RORA: variants seen among roughly 807,000 people sequenced by gnomAD.
RORA encodes RAR related orphan receptor A.
RORA carries 7 observed loss-of-function variants against 69.5 expected under a neutral mutation model. The ratio of observed to expected loss-of-function variants is 0.10; its 90% confidence interval spans 0.06 to 0.19. RORA has a LOEUF of 0.19. Among genes scored for constraint, RORA ranks in the 10% least tolerant of loss-of-function variants. The pLI, the probability that RORA is intolerant of heterozygous loss-of-function variation, is 1.00. For synonymous variants in RORA, 261 were observed against 240.8 expected (o/e 1.08, Z -0.78); for missense variants, 457 against 663.0 (o/e 0.69, Z 3.41).
chr15:60,883,150 AAGAAAGAGAG>A (rs1229758241), intron 1 of RORA, among the ~76,000 whole-genome samples: 1 of 48,590 alleles, frequency 2.1e-5, no homozygotes, highest in African/African-American at 8.3e-5. Context: ...AAAAAAAAAA[AAGAAAGAGAG>A]AGAGAGAGAG....
chr15:60,742,405 C>T (rs1191673026), intron 1 of RORA, among the ~76,000 whole-genome samples: 1 of 152,156 alleles, frequency 6.6e-6, no homozygotes, highest in East Asian at 1.9e-4. Flanking sequence ...TGGTGTACAA[C>T]ATATTTTGAT....
chr15:61,067,158 C>G (rs1484994478), intron 1 of RORA, among the ~76,000 whole-genome samples: 1 of 150,516 alleles, frequency 6.6e-6, no homozygotes, highest in Non-Finnish European at 1.5e-5. Flanking sequence ...GTCACCCAAA[C>G]TGGAGTGCAG....
chr15:60,584,565 T>A (rs922905026), intron 2 of RORA, among the ~76,000 whole-genome samples: 1 of 152,204 alleles, frequency 6.6e-6, no homozygotes, highest in Non-Finnish European at 1.5e-5. Flanking sequence ...CTTAAGACAC[T>A]TGATTGGGAG....
At chr15:61,152,652 T>C (rs2079407523) in intron 1 of RORA, among the ~76,000 whole-genome samples, 2 of 152,178 alleles carry the variant, frequency 1.3e-5, no homozygotes, top group Admixed American at 6.5e-5. Flanking sequence ...GAGATCTTTC[T>C]GCCCTTATAG....
At chr15:61,098,064 C>T in intron 1 of RORA, among the ~76,000 whole-genome samples, 1 of 151,112 alleles carries the variant, frequency 6.6e-6, no homozygotes, top group East Asian at 2.0e-4. Context: ...CTTCCTTAAT[C>T]CTTCCTTCCT....
At chr15:61,194,543 G>A (rs9302224) in intron 1 of RORA, among the ~76,000 whole-genome samples, 17 of 143,496 alleles carry the variant, frequency 1.2e-4, no homozygotes, top group South Asian at 2.2e-4. Flanking sequence ...AGCCTAGGAG[G>A]AAAAAAAAAA....
intron 1 of RORA, among the ~76,000 whole-genome samples, chr15:60,718,784 A>T (rs931046614): frequency 2.0e-5 from 3 of 152,210 alleles, no homozygotes; most frequent in Admixed American, 2.0e-4. Flanking sequence ...GGATCTCTCA[A>T]AGGCACATCA....
rs543961500 is a variant in RORA at position 61,088,262 on chromosome 15, G to A, written c.166+140791C>T. Reference sequence around the variant, plus strand: ...AGTCTGCTCGCAGGAGAGGCCATATGCCTGTACAAAGTCTTGAAGGGCCAG... The same window carrying A: ...AGTCTGCTCGCAGGAGAGGCCATATACCTGTACAAAGTCTTGAAGGGCCAG... On this transcript the variant is annotated intron_variant, in intron 1 of 10. Coordinates refer to ENST00000335670, the MANE Select transcript of RORA (RefSeq NM_134261.3). Among the ~76,000 whole-genome samples, 3 of 152,326 alleles carry A rather than the reference G, an allele frequency of 2.0e-5. No homozygotes were observed. In the East Asian group the frequency reaches 5.8e-4, roughly 29 times the overall value.
intron 1 of RORA, among the ~76,000 whole-genome samples, chr15:60,985,416 G>A (rs895333317): frequency 1.1e-4 from 16 of 151,850 alleles, no homozygotes; most frequent in African/African-American, 3.1e-4. Context: ...AATTCGTTTC[G>A]CCCTGAGAGC....
At chr15:60,843,981 T>G (rs926383763) in intron 1 of RORA, among the ~76,000 whole-genome samples, 7 of 152,078 alleles carry the variant, frequency 4.6e-5, no homozygotes, top group Non-Finnish European at 7.4e-5. Context: ...GCCCACACTT[T>G]CACATCTTCA....
chr15:61,215,319 A>G (rs184193643), intron 1 of RORA, among the ~76,000 whole-genome samples: 98 of 152,206 alleles, frequency 6.4e-4, no homozygotes, highest in Admixed American at 1.2e-3. Context: ...CTGCTGTGGA[A>G]AGAAAATTGT....
intron 1 of RORA, among the ~76,000 whole-genome samples, chr15:60,851,777 A>AT (rs11433611): frequency 0.066 from 9,381 of 141,960 alleles, 386 homozygotes; most frequent in Non-Finnish European, 0.1. Flanking sequence ...AGAGAGAGAG[A>AT]TTTTTTTTTT....
chr15:61,031,858 A>G (rs1896188220), intron 1 of RORA, among the ~76,000 whole-genome samples: 1 of 152,198 alleles, frequency 6.6e-6, no homozygotes, highest in African/African-American at 2.4e-5. Context: ...GCAAAAGACT[A>G]TATATAGAAG....
At chr15:61,064,812 A>G (rs2078235224) in intron 1 of RORA, among the ~76,000 whole-genome samples, 1 of 152,140 alleles carries the variant, frequency 6.6e-6, no homozygotes, top group Admixed American at 6.5e-5. Context: ...GCAGAACTCT[A>G]GAATTTCTAG....
chr15:60,706,207 T>C (rs1451570231), intron 1 of RORA: 3 of 152,174 alleles, frequency 2.0e-5, no homozygotes, highest in Non-Finnish European at 4.4e-5. Flanking sequence ...TTTAGTAGGT[T>C]TGCCAGTGAA....
At chr15:60,878,618 T>C (rs2073646012) in intron 1 of RORA, among the ~76,000 whole-genome samples, 1 of 152,256 alleles carries the variant, frequency 6.6e-6, no homozygotes, top group African/African-American at 2.4e-5. Flanking sequence ...CCGAAAGCTC[T>C]GCTCCTCTGC....
intron 2 of RORA, among the ~76,000 whole-genome samples, chr15:60,649,738 G>A (rs2070111851): frequency 6.6e-6 from 1 of 152,140 alleles, no homozygotes. Flanking sequence ...CATCCATGGA[G>A]CTGTGTAAAC....
chr15:60,650,310 C>T (rs539165349), intron 2 of RORA, among the ~76,000 whole-genome samples: 2 of 152,120 alleles, frequency 1.3e-5, no homozygotes, highest in African/African-American at 2.4e-5. Flanking sequence ...TGAAGTTGTT[C>T]GAGAACATTT....
chr15:60,788,707 C>T (rs1054928107), intron 1 of RORA, among the ~76,000 whole-genome samples: 2 of 152,168 alleles, frequency 1.3e-5, no homozygotes, highest in African/African-American at 4.8e-5. Flanking sequence ...AGGCACCCTC[C>T]CTGCCTCATT....
Sources: allele counts gnomAD v4.1 joint callset (sites outside exome capture counted in the v4.1 genomes callset), GRCh38; gene constraint gnomAD v4.1.1; transcripts MANE v1.5; gene names NCBI Gene and HGNC (gene_info 2026-07-23, HGNC 2026-07-21).